Variants in SPTLC1 observed in about 807,000 individuals in gnomAD.
The protein encoded by SPTLC1 is serine palmitoyltransferase 1.
In SPTLC1, 55 loss-of-function variants were observed where a neutral mutation model predicts 68.9. That is an observed-to-expected ratio of 0.80 (90% CI 0.64 to 1.00). The LOEUF (loss-of-function observed/expected upper bound fraction) is 1.00. SPTLC1 is among the 50% of genes least tolerant of loss of function. The pLI is 0.00. For missense variants in SPTLC1, 449 were observed against 573.1 expected (o/e 0.78, Z 2.21); for synonymous variants, 197 against 201.6 (o/e 0.98, Z 0.19).
rs926211962 is a variant in SPTLC1, at chr9:92,032,107, T to C, written c.*358A>G. On this transcript the variant is annotated 3_prime_UTR_variant, in exon 15 of 15. Transcript: ENST00000262554. ...GGAGTGCTTACTGAACCATTACTAT[T>C]AGAGGGAGGGAAGAGACACTGAAGC... The C allele has an allele frequency of 3.2e-6, 2 of 620,402 alleles. No individual in the cohort carries two copies. Among genetic ancestry groups the C allele is most frequent in the African/African-American group, 3.7e-5 (2 of 54,316 alleles). 38.4% of individuals were successfully genotyped at this position (620,402 alleles called of 1,614,324 possible). A position where few individuals can be genotyped will look rare whatever the true frequency, so the allele number is the denominator to read the frequency against.
At chr9:92,036,731 T>C (rs1293399218) in intron 13 of SPTLC1, among the ~76,000 whole-genome samples, 2 of 152,274 alleles carry the variant, frequency 1.3e-5, no homozygotes, top group East Asian at 3.8e-4. Context: ...ATTTAGTTTG[T>C]ATTTAATGTA....
At chr9:92,090,845 G>A (rs1452389390) in intron 3 of SPTLC1, among the ~76,000 whole-genome samples, 4 of 152,116 alleles carry the variant, frequency 2.6e-5, no homozygotes, top group Admixed American at 1.3e-4. Context: ...AGGCCCAGAA[G>A]GAGACTCTTT....
chr9:92,041,735 T>C (rs1833355303), intron 12 of SPTLC1, among the ~76,000 whole-genome samples: 1 of 152,184 alleles, frequency 6.6e-6, no homozygotes, highest in African/African-American at 2.4e-5. Context: ...AAATATTAGC[T>C]AAATAAATCT....
chr9:92,039,612 T>A (rs932767183), intron 12 of SPTLC1, among the ~76,000 whole-genome samples: 1 of 152,206 alleles, frequency 6.6e-6, no homozygotes, highest in African/African-American at 2.4e-5. Context: ...GAAACTGAGC[T>A]AAACATTTTA....
At chr9:92,065,685 T>C (rs1290990623) in intron 6 of SPTLC1, among the ~76,000 whole-genome samples, 1 of 152,238 alleles carries the variant, frequency 6.6e-6, no homozygotes, top group African/African-American at 2.4e-5. Context: ...ACTAAAAACC[T>C]AGAAACACTG....
At chr9:92,057,768 A>T (rs918584925) in intron 7 of SPTLC1, among the ~76,000 whole-genome samples, 3 of 152,238 alleles carry the variant, frequency 2.0e-5, no homozygotes, top group Non-Finnish European at 2.9e-5. Context: ...CTGAAAATGA[A>T]TATTTCTAAA....
At chr9:92,037,863 C>T (rs978787811) in intron 13 of SPTLC1, among the ~76,000 whole-genome samples, 2 of 152,174 alleles carry the variant, frequency 1.3e-5, no homozygotes, top group Admixed American at 6.5e-5. Flanking sequence ...GGAATGTGTG[C>T]TATGCCCACA....
chr9:92,060,689 G>A (rs1834061457), intron 6 of SPTLC1, among the ~76,000 whole-genome samples: 1 of 150,896 alleles, frequency 6.6e-6, no homozygotes, highest in South Asian at 2.1e-4. Flanking sequence ...GGTGGATCAC[G>A]AGGTCAGGAG....
At chr9:92,068,224 G>T in intron 5 of SPTLC1, 126 bp from the exon 6 acceptor site, 2 of 866,584 alleles carry the variant, frequency 2.3e-6, no homozygotes, top group Non-Finnish European at 3.6e-6. Context: ...AAATGGAATT[G>T]TTTTTAAATG....
intron 3 of SPTLC1, among the ~76,000 whole-genome samples, chr9:92,103,158 C>A (rs1467871657): frequency 5.9e-5 from 9 of 152,104 alleles, no homozygotes; most frequent in Admixed American, 5.2e-4. Flanking sequence ...TAGGACAGAC[C>A]AAAGCTGATC....
At chr9:92,112,611 A>T in intron 1 of SPTLC1, 49 bp from the exon 2 acceptor site, 1 of 1,221,438 alleles carries the variant, frequency 8.2e-7, no homozygotes. Flanking sequence ...CACTTCTAAC[A>T]CCTGCACATA....
intron 12 of SPTLC1, among the ~76,000 whole-genome samples, chr9:92,041,966 C>T (rs1833364709): frequency 6.6e-6 from 1 of 152,048 alleles, no homozygotes; most frequent in Non-Finnish European, 1.5e-5. Context: ...AGGTACATGC[C>T]TGTAGTCCCA....
chr9:92,092,477 C>A (rs1835397232), intron 3 of SPTLC1, among the ~76,000 whole-genome samples: 1 of 152,088 alleles, frequency 6.6e-6, no homozygotes, highest in Admixed American at 6.5e-5. Context: ...GCCTGTAATA[C>A]CAGCACTTTG....
intron 9 of SPTLC1, among the ~76,000 whole-genome samples, chr9:92,048,714 A>G (rs908196699): frequency 3.3e-5 from 5 of 152,222 alleles, no homozygotes; most frequent in Admixed American, 6.5e-5. Context: ...TCACAAAACT[A>G]GTATCATACT....
intron 6 of SPTLC1, among the ~76,000 whole-genome samples, chr9:92,061,084 T>C (rs1236591444): frequency 6.6e-6 from 1 of 152,124 alleles, no homozygotes; most frequent in Non-Finnish European, 1.5e-5. Context: ...GCTAAAAAAG[T>C]ATTCAAATAA....
chr9:92,050,811 ATTT>A (rs370967911), intron 8 of SPTLC1: 36 of 104,948 alleles, frequency 3.4e-4, no homozygotes, highest in African/African-American at 1.3e-3. Flanking sequence ...CACAATACTG[ATTT>A]TTTTTTTTTT....
At chr9:92,056,856 T>C (rs1285134698) in intron 7 of SPTLC1, among the ~76,000 whole-genome samples, 1 of 152,258 alleles carries the variant, frequency 6.6e-6, no homozygotes, top group Non-Finnish European at 1.5e-5. Flanking sequence ...TCATCTTTAC[T>C]CTGTCAACTC....
At chr9:92,086,036 T>C (rs1835111542) in intron 3 of SPTLC1, among the ~76,000 whole-genome samples, 1 of 151,872 alleles carries the variant, frequency 6.6e-6, no homozygotes, top group African/African-American at 2.4e-5. Flanking sequence ...TGGTTTAAAG[T>C]CTGTTTTATC....
chr9:92,104,625 T>C, intron 3 of SPTLC1: 3 of 1,492,492 alleles, frequency 2.0e-6, no homozygotes, highest in Non-Finnish European at 1.8e-6. Flanking sequence ...GAGCAGGTGA[T>C]CCCAGCCAGG....
Sources: allele counts gnomAD v4.1 joint callset (sites outside exome capture counted in the v4.1 genomes callset), GRCh38; gene constraint gnomAD v4.1.1; transcripts MANE v1.5; gene names NCBI Gene and HGNC (gene_info 2026-07-23, HGNC 2026-07-21).